The following FNDC3A variants were observed in gnomAD, a reference collection of about 807,000 sequenced individuals.
FNDC3A encodes fibronectin type III domain containing 3A.
In FNDC3A, 32 loss-of-function variants were observed where a neutral mutation model predicts 148.9. That is an observed-to-expected ratio of 0.21 (90% CI 0.16 to 0.29). FNDC3A has a LOEUF of 0.29. FNDC3A is among the 10% of genes least tolerant of loss of function. The pLI is 1.00. For synonymous variants in FNDC3A, 472 were observed against 473.6 expected, an observed-to-expected ratio of 1.00 and a Z score of 0.04; for missense variants, 1,191 against 1,452.8, an observed-to-expected ratio of 0.82 and a Z score of 2.93.
intron 1 of FNDC3A, among the ~76,000 whole-genome samples, chr13:48,979,215 G>T (rs767429723): frequency 6.6e-6 from 1 of 152,074 alleles, no homozygotes; most frequent in African/African-American, 2.4e-5. Flanking sequence ...ATTAAAGTGG[G>T]GATACAAACA....
intron 2 of FNDC3A, among the ~76,000 whole-genome samples, chr13:49,041,450 A>T (rs1418138585): frequency 6.6e-6 from 1 of 152,188 alleles, no homozygotes; most frequent in African/African-American, 2.4e-5. Flanking sequence ...TGAATGAATT[A>T]ATCAGTTCCA....
At chr13:49,120,934 A>G (rs765306259) in intron 4 of FNDC3A, among the ~76,000 whole-genome samples, 4 of 152,148 alleles carry the variant, frequency 2.6e-5, no homozygotes, top group Non-Finnish European at 5.9e-5. Context: ...ATATTAGATC[A>G]ATGAGACAGA....
intron 17 of FNDC3A, 87 bp from the exon 18 acceptor site, chr13:49,190,928 G>A (rs1477087713): frequency 2.6e-6 from 2 of 783,394 alleles, no homozygotes; most frequent in Admixed American, 2.6e-5. Context: ...TGCAATATTT[G>A]TGTTTATATT....
intron 19 of FNDC3A, among the ~76,000 whole-genome samples, chr13:49,192,494 G>A (rs956804153): frequency 1.3e-5 from 2 of 151,980 alleles, no homozygotes; most frequent in Non-Finnish European, 2.9e-5. Flanking sequence ...AGAGGGTTTT[G>A]TCATGTTGCC....
chr13:49,201,715 T>C, intron 23 of FNDC3A, 85 bp from the exon 24 acceptor site: 1 of 618,168 alleles, frequency 1.6e-6, no homozygotes, highest in East Asian at 3.1e-5. Context: ...TGTTCATAAC[T>C]GTGTTTTTAT....
intron 2 of FNDC3A, among the ~76,000 whole-genome samples, chr13:49,061,316 T>TTTCC (rs1566222158): frequency 8.3e-5 from 9 of 108,090 alleles, no homozygotes; most frequent in Non-Finnish European, 7.6e-5. Context: ...TTCCCTCTCT[T>TTTCC]CTCTTCCCTT....
At position 49,141,529 on chromosome 13, in the gene FNDC3A, A is replaced by C. The variant is rs188500173; in HGVS notation, c.819+2724A>C. Among the ~76,000 whole-genome samples the C allele has an allele frequency of 2.5e-3, 377 of 152,330 alleles. 1 individual carries two copies. Among genetic ancestry groups the C allele is most frequent in the Non-Finnish European group, 3.9e-3 (263 of 68,026 alleles). On this transcript the variant is annotated intron_variant, in intron 7 of 25. Transcript: ENST00000492622. ...CTCACCTCCTGATGCCCTTATCTAG[A>C]CAAGGATCAAACATTTATGTTTATT...
chr13:48,986,403 T>TG (rs1951800862), intron 1 of FNDC3A, among the ~76,000 whole-genome samples: 1 of 124,982 alleles, frequency 8.0e-6, no homozygotes, highest in Admixed American at 8.3e-5. Context: ...TTTTTTTTTT[T>TG]TTTTTTTTTT....
intron 7 of FNDC3A, 145 bp downstream of exon 7, chr13:49,138,950 G>A (rs1566277317): frequency 4.4e-6 from 2 of 453,584 alleles, no homozygotes; most frequent in South Asian, 5.6e-5. Context: ...CACTCACTAT[G>A]GTATGCTTTA....
At chr13:49,021,348 C>G (rs1386580792) in intron 2 of FNDC3A, among the ~76,000 whole-genome samples, 1 of 152,144 alleles carries the variant, frequency 6.6e-6, no homozygotes, top group Non-Finnish European at 1.5e-5. Flanking sequence ...ACACATGCTC[C>G]CCAGGGGGAA....
chr13:49,121,925 G>A (rs1881375897), intron 4 of FNDC3A, among the ~76,000 whole-genome samples: 3 of 152,198 alleles, frequency 2.0e-5, no homozygotes, highest in Admixed American at 2.0e-4. Flanking sequence ...GAGGTACAAA[G>A]AGGAGCTGTT....
Position 49,114,651 on chromosome 13 carries a change from T to G in FNDC3A, c.176-4T>G. 6.2e-7 allele frequency: 1 copy of G among 1,606,514 alleles called. No homozygotes were observed. Among genetic ancestry groups the G allele is most frequent in the Non-Finnish European group, 8.5e-7 (1 of 1,173,064 alleles). On this transcript the variant is annotated splice_polypyrimidine_tract_variant and splice_region_variant and intron_variant, in intron 3 of 25. Coordinates refer to ENST00000492622, the MANE Select transcript of FNDC3A (RefSeq NM_001079673.2). ...TTAATACATCATTTATGTGACCCAT[T>G]CAGGTCCTGCTCAGGTTCCAATGAT...
At chr13:49,013,775 G>A (rs1286041183) in intron 2 of FNDC3A, among the ~76,000 whole-genome samples, 1 of 123,844 alleles carries the variant, frequency 8.1e-6, no homozygotes, top group Admixed American at 9.8e-5. Flanking sequence ...AGTCCCCAGA[G>A]TGTGATGTTC....
intron 2 of FNDC3A, among the ~76,000 whole-genome samples, chr13:49,066,142 A>T (rs1877245551): frequency 6.6e-6 from 1 of 152,182 alleles, no homozygotes; most frequent in South Asian, 2.1e-4. Context: ...TGAATAGGAA[A>T]ATGCCAAATT....
intron 3 of FNDC3A, among the ~76,000 whole-genome samples, chr13:49,108,479 T>C (rs1880341656): frequency 6.6e-6 from 1 of 152,022 alleles, no homozygotes; most frequent in Non-Finnish European, 1.5e-5. Flanking sequence ...CTGGGGAAAG[T>C]TTTCTACAGG....
In FNDC3A at chr13:49,188,626, A is replaced by G. The variant is rs980675113; in HGVS notation, c.1937A>G (p.Gln646Arg). 3 of 1,598,494 alleles carry G rather than the reference A, an allele frequency of 1.9e-6. No individual in the cohort carries two copies. Among genetic ancestry groups the G allele is most frequent in the African/African-American group, 2.7e-5 (2 of 74,676 alleles). The change falls in exon 17 of 26, where the codon CAG becomes CGG. Residue 646 changes from glutamine (Q) to arginine (R), a missense_variant. Gln to Arg is a conservative substitution (Grantham distance 43). Around this residue, in one of 3 missense-constraint regions of FNDC3A, gnomAD observed 751 missense variants for 944.0 expected, o/e 0.80. Coordinates refer to ENST00000492622, the MANE Select transcript of FNDC3A (RefSeq NM_001079673.2). ...LRVYCISDGGQSAVSESLLVQ... is the reference protein window; with the variant it reads ...LRVYCISDGGRSAVSESLLVQ... ...GTTTACTGCATCAGTGATGGAGGAC[A>G]GAGTGCGGTAATACTTATATGTAGA...
chr13:49,079,199 A>G (rs186943502), intron 3 of FNDC3A, among the ~76,000 whole-genome samples: 11 of 152,340 alleles, frequency 7.2e-5, no homozygotes, highest in Admixed American at 5.9e-4. Flanking sequence ...ACATTCTGGA[A>G]AGACAAATTG....
At chr13:49,182,660 G>A (rs1326766519) in intron 14 of FNDC3A, among the ~76,000 whole-genome samples, 1 of 151,722 alleles carries the variant, frequency 6.6e-6, no homozygotes, top group African/African-American at 2.4e-5. Context: ...TGTTTTTTGA[G>A]GTCTTTTTAT....
intron 2 of FNDC3A, among the ~76,000 whole-genome samples, chr13:49,061,982 C>A (rs553407577): frequency 6.6e-6 from 1 of 150,712 alleles, no homozygotes; most frequent in African/African-American, 2.4e-5. Context: ...GTTTTAAAAT[C>A]ACCATTTTAC....
Sources: gnomAD v4.1 joint callset for allele counts (sites outside exome capture counted in the v4.1 genomes callset) on GRCh38, gnomAD v4.1.1 for gene constraint, gnomAD v4.1.1 regional missense constraint, MANE v1.5 for transcripts, NCBI Gene and HGNC (gene_info 2026-07-23, HGNC 2026-07-21) for gene names.